The following CYP4A22 variants were observed in gnomAD, a reference collection of about 807,000 sequenced individuals.
The protein encoded by CYP4A22 is cytochrome P450 family 4 subfamily A member 22, also known as cytochrome P450 4A22.
CYP4A22 carries 46 observed loss-of-function variants against 56.2 expected under a neutral mutation model. The observed-to-expected ratio is 0.82, with a 90% confidence interval of 0.65 to 1.05. CYP4A22 has a LOEUF of 1.05. CYP4A22 is among the 50% of genes least tolerant of loss of function. The probability of loss-of-function intolerance (pLI) is 0.00; values close to 1 mark genes in which losing one functional copy is unlikely to be tolerated. For missense variants in CYP4A22, 541 were observed against 645.9 expected (o/e 0.84, Z 1.76); for synonymous variants, 193 against 251.1 (o/e 0.77, Z 2.19).
At chr1:47,143,949 C>A in intron 6 of CYP4A22, 33 bp downstream of exon 6, 1 of 1,585,320 alleles carries the variant, frequency 6.3e-7, no homozygotes, top group Non-Finnish European at 8.6e-7. Context: ...CCCAGCCTTT[C>A]CCAGGCACAG....
chr1:47,146,935 A>G (rs1645082139), intron 11 of CYP4A22: 2 of 985,324 alleles, frequency 2.0e-6, no homozygotes, highest in African/African-American at 3.5e-5. Context: ...CCCAATAATT[A>G]TCATATAACG....
At chr1:47,138,258 A>T (rs1644966661) in intron 1 of CYP4A22, among the ~76,000 whole-genome samples, 1 of 152,190 alleles carries the variant, frequency 6.6e-6, no homozygotes, top group Non-Finnish European at 1.5e-5. Context: ...CCCAAGGCTC[A>T]CGGAATTTCC....
Position 47,148,791 on chromosome 1 carries a change from G to T in CYP4A22, c.1554G>T (p.Gln518His). ...CTAACCCTTGTGAAGACAAGGACCA[G>T]CTTTGAGGGCCTCCACCTGCCATCC... Reference protein sequence around the residue: ...RLPNPCEDKDQL With the variant: ...RLPNPCEDKDHL The change falls in exon 12 of 12, where the codon CAG becomes CAT. Residue 518 changes from glutamine to histidine, a missense_variant. Transcript: ENST00000371891. 2.5e-6 allele frequency: 4 copies of T among 1,601,006 alleles called. No homozygotes were observed. The highest frequency in any genetic ancestry group is 2.2e-5 in the East Asian group (1 of 44,584).
intron 1 of CYP4A22, 75 bp from the exon 2 acceptor site, chr1:47,140,704 AG>A (rs1466267903): frequency 5.5e-5 from 87 of 1,580,988 alleles, no homozygotes; most frequent in Non-Finnish European, 7.2e-5. Flanking sequence ...TGGCTCCTGT[AG>A]TTGTCCTGCC....
rs777927389 is a variant in CYP4A22, at chr1:47,140,768, C to G, written c.196-12C>G. The G allele has an allele frequency of 1.3e-5, 21 of 1,613,964 alleles. No homozygotes were observed. The Middle Eastern group carries it at 2.3e-3, about 178-fold the overall frequency. ...TAAATGAAAGTGTTCATCTGTCTAC[C>G]CTCGTTGACAGTTCCAACACGACCA... On this transcript the variant is annotated splice_polypyrimidine_tract_variant and intron_variant, in intron 1 of 11. Coordinates refer to ENST00000371891, the MANE Select transcript of CYP4A22 (RefSeq NM_001010969.4).
chr1:47,144,054 G>A (rs1244567182), intron 6 of CYP4A22, 138 bp downstream of exon 6: 2 of 1,441,982 alleles, frequency 1.4e-6, no homozygotes, highest in Non-Finnish European at 1.8e-6. Flanking sequence ...CCTTGCTCAG[G>A]GGCTGGGAGC....
In CYP4A22 at chr1:47,148,771, C is replaced by T; in HGVS notation, c.1534C>T (p.Pro512Ser). 1.9e-6 allele frequency: 3 copies of T among 1,611,672 alleles called. No individual in the cohort carries two copies. The highest frequency in any genetic ancestry group is 2.5e-6 in the Non-Finnish European group (3 of 1,178,674). ...IHLRLRRLPNPCEDKDQL is the reference protein window; with the variant it reads ...IHLRLRRLPNSCEDKDQL ...CCTGCGTCTCAGGAGGCTCCCTAAC[C>T]CTTGTGAAGACAAGGACCAGCTTTG... The change falls in exon 12 of 12, where the codon CCT (proline) becomes TCT (serine). Residue 512 changes from proline to serine, a missense_variant. Around this residue, in one of 3 missense-constraint regions of CYP4A22, gnomAD observed 204 missense variants for 258.9 expected, o/e 0.79. Coordinates refer to ENST00000371891, the MANE Select transcript of CYP4A22 (RefSeq NM_001010969.4).
rs1385461293 is a variant in CYP4A22 at position 47,149,656 on chromosome 1, CCTT to C, written c.*864_*866del. The stretch of plus-strand genomic sequence containing the variant: ...AGACTGTCTGCCCATACACCTGTCT[CCTT>C]CTTCCTGCCTGCTTGTCTGTTCCTA... On this transcript the variant is annotated 3_prime_UTR_variant, in exon 12 of 12. Coordinates refer to ENST00000371891, the MANE Select transcript of CYP4A22 (RefSeq NM_001010969.4). 1.3e-5 allele frequency: 2 copies of C among 152,218 alleles called. No homozygotes were observed. The highest frequency in any genetic ancestry group is 4.8e-5 in the African/African-American group (2 of 41,466). 9.4% of individuals were successfully genotyped at this position (152,218 alleles called of 1,614,324 possible).
intron 3 of CYP4A22, 110 bp downstream of exon 3, chr1:47,141,725 C>G: frequency 7.2e-7 from 1 of 1,384,908 alleles, no homozygotes; most frequent in East Asian, 2.4e-5. Flanking sequence ...ACCTCATCCC[C>G]AAATCAAGCC....
Position 47,137,771 on chromosome 1 carries a change from T to C in CYP4A22, c.195+91T>C, listed in dbSNP as rs1198145736. On this transcript the variant is annotated intron_variant, in intron 1 of 11. Coordinates refer to ENST00000371891, the MANE Select transcript of CYP4A22 (RefSeq NM_001010969.4). The stretch of plus-strand genomic sequence containing the variant: ...AAAATCCATAGAGCAAAGCCTTGTT[T>C]TGTAACAAACGTGAGGCCTCATAGG... 3 of 1,490,266 alleles carry C rather than the reference T, an allele frequency of 2.0e-6. No individual in the cohort carries two copies. The East Asian group carries it at 7.1e-5, about 35-fold the overall frequency. 92.3% of individuals were successfully genotyped at this position (1,490,266 alleles called of 1,614,324 possible).
chr1:47,140,069 G>T (rs1303990000), intron 1 of CYP4A22, among the ~76,000 whole-genome samples: 4 of 152,208 alleles, frequency 2.6e-5, no homozygotes, highest in Admixed American at 6.5e-5. Flanking sequence ...AAGCCAGAAA[G>T]CCAAGGGCTT....
chr1:47,147,811 T>C (rs2148560257), intron 11 of CYP4A22, among the ~76,000 whole-genome samples: 1 of 152,258 alleles, frequency 6.6e-6, no homozygotes, highest in East Asian at 1.9e-4. Context: ...CACGGAGGGC[T>C]TGTCTGCCGG....
In CYP4A22 at chr1:47,142,103, C is replaced by T. The variant is rs377315324; in HGVS notation, c.383-5C>T. 2 of 1,612,104 alleles carry T rather than the reference C, an allele frequency of 1.2e-6. No homozygotes were observed. The highest frequency in any genetic ancestry group is 1.7e-6 in the Non-Finnish European group (2 of 1,178,972). On this transcript the variant is annotated splice_polypyrimidine_tract_variant and splice_region_variant and intron_variant, in intron 3 of 11. Coordinates refer to ENST00000371891, the MANE Select transcript of CYP4A22 (RefSeq NM_001010969.4). ...CACACATACACATATTCGTGTCTAC[C>T]TTAGGGTACGGCTTGCTCCTGTTGA...
chr1:47,141,524 T>A (rs1557646094), intron 2 of CYP4A22, 47 bp from the exon 3 acceptor site: 11 of 1,599,230 alleles, frequency 6.9e-6, no homozygotes, highest in African/African-American at 1.3e-5. Context: ...TGAGACTGCC[T>A]TCTTAGTAAC....
At position 47,137,588 on chromosome 1, in the gene CYP4A22, G is replaced by T; in HGVS notation, c.103G>T (p.Ala35Ser). ...TCTGCTTCTGCTGCTGATCAAGGCAGCTCAGCTCTACCTGCATAGGCAGTG... is the reference window on the plus strand; with the variant it reads ...TCTGCTTCTGCTGCTGATCAAGGCATCTCAGCTCTACCTGCATAGGCAGTG... Reference protein sequence around the residue: ...LILLLLLIKAAQLYLHRQWLL... With the variant: ...LILLLLLIKASQLYLHRQWLL... The change falls in exon 1 of 12, where the codon GCT (alanine) becomes TCT (serine). Residue 35 changes from alanine to serine, a missense_variant. Ala to Ser is a moderately conservative substitution (Grantham distance 99, BLOSUM62 1). Around this residue, in one of 3 missense-constraint regions of CYP4A22, gnomAD observed 335 missense variants for 361.2 expected, o/e 0.93. Coordinates refer to ENST00000371891, the MANE Select transcript of CYP4A22 (RefSeq NM_001010969.4). 1.2e-6 allele frequency: 2 copies of T among 1,614,204 alleles called. No individual in the cohort carries two copies. Among genetic ancestry groups the T allele is most frequent in the Non-Finnish European group, 1.7e-6 (2 of 1,180,024 alleles).
At chr1:47,139,196 A>G (rs1459130097) in intron 1 of CYP4A22, among the ~76,000 whole-genome samples, 1 of 152,240 alleles carries the variant, frequency 6.6e-6, no homozygotes, top group Non-Finnish European at 1.5e-5. Context: ...GTCAAGGCCC[A>G]GCACCAAGCT....
rs1645001804 is a variant in CYP4A22 at position 47,140,933 on chromosome 1, C to T, written c.337+12C>T. 1 of 1,613,062 alleles carries T rather than the reference C, an allele frequency of 6.2e-7. No homozygotes were observed. The highest frequency in any genetic ancestry group is 8.5e-7 in the Non-Finnish European group (1 of 1,179,666). ...TCTGGGGAGATCAGGTGAGATCGAACCCCCATCCCAACTGCAATTTCTCTT... is the reference window on the plus strand; with the variant it reads ...TCTGGGGAGATCAGGTGAGATCGAATCCCCATCCCAACTGCAATTTCTCTT... On this transcript the variant is annotated intron_variant, in intron 2 of 11. Transcript: ENST00000371891.
Position 47,140,482 on chromosome 1 carries a change from G to A in CYP4A22, c.196-298G>A, listed in dbSNP as rs72894556. 5.0e-3 allele frequency among the ~76,000 whole-genome samples: 759 copies of A among 152,224 alleles called. 4 individuals carry two copies. The highest frequency in any genetic ancestry group is 0.017 in the African/African-American group (704 of 41,536). Reference sequence around the variant, plus strand: ...TACAAATCTGCTCATCAAGTAATACGAGTTATGCACATTGCCCAAGGAAAT... The same window carrying A: ...TACAAATCTGCTCATCAAGTAATACAAGTTATGCACATTGCCCAAGGAAAT... On this transcript the variant is annotated intron_variant, in intron 1 of 11. Transcript: ENST00000371891.
At position 47,143,753 on chromosome 1, in the gene CYP4A22, C is replaced by G. The variant is rs778968975; in HGVS notation, c.636-9C>G. 4.4e-6 allele frequency: 7 copies of G among 1,603,478 alleles called. No homozygotes were observed. Among genetic ancestry groups the G allele is most frequent in the Non-Finnish European group, 5.1e-6 (6 of 1,174,336 alleles). On this transcript the variant is annotated splice_polypyrimidine_tract_variant and intron_variant, in intron 5 of 11. Transcript: ENST00000371891. ...CCTACTGCGGTCTCTTCTTCATACT[C>G]TCCCTCAGGAATTCTCAGTCCTACA...
Sources: gnomAD v4.1 joint callset for allele counts (sites outside exome capture counted in the v4.1 genomes callset) on GRCh38, gnomAD v4.1.1 for gene constraint, gnomAD v4.1.1 regional missense constraint, MANE v1.5 for transcripts, NCBI Gene and HGNC (gene_info 2026-07-23, HGNC 2026-07-21) for gene names.